Variants in PHACTR3 observed in about 807,000 individuals in gnomAD.
PHACTR3 encodes the protein protein phosphatase 1, regulatory subunit 123.
A neutral mutation model predicts 66.8 loss-of-function variants in PHACTR3; 16 were observed. The ratio of observed to expected loss-of-function variants is 0.24; its 90% confidence interval spans 0.16 to 0.36. PHACTR3 has a LOEUF of 0.36. Among genes scored for constraint, PHACTR3 ranks in the 10% least tolerant of loss-of-function variants. PHACTR3 has a pLI of 1.00. For missense variants in PHACTR3, 647 were observed against 719.9 expected (o/e 0.90, Z 1.16); for synonymous variants, 323 against 292.1 (o/e 1.11, Z -1.08).
At chr20:59,659,323 G>A (rs1018126644) in intron 1 of PHACTR3, among the ~76,000 whole-genome samples, 6 of 147,302 alleles carry the variant, frequency 4.1e-5, no homozygotes, top group Admixed American at 2.0e-4. Context: ...ACTTATCAGA[G>A]TTGGAACACT....
At position 59,699,166 on chromosome 20, in the gene PHACTR3, G is replaced by C. The variant is rs2037403416; in HGVS notation, c.119-43941G>C. ...AAAGGACGTAAGTGCAGAGCCCATT[G>C]GTGACTGCCGTTATCTGCTTTGAAA... On this transcript the variant is annotated intron_variant, in intron 1 of 12. Transcript: ENST00000371015. Among the ~76,000 whole-genome samples the C allele has an allele frequency of 3.3e-5, 5 of 152,288 alleles. No homozygotes were observed. The South Asian group carries it at 1.0e-3, about 32-fold the overall frequency.
chr20:59,767,795 TTTCCTTTCCATTCTG>T (rs1008469617), intron 5 of PHACTR3, among the ~76,000 whole-genome samples: 7 of 152,088 alleles, frequency 4.6e-5, no homozygotes, highest in African/African-American at 1.2e-4. Context: ...TCTTTTTTCT[TTTCCTTTCCATTCTG>T]TTCCTTTCCA....
intron 8 of PHACTR3, among the ~76,000 whole-genome samples, chr20:59,808,796 T>A (rs931414467): frequency 8.5e-5 from 13 of 152,226 alleles, no homozygotes; most frequent in Non-Finnish European, 1.8e-4. Context: ...AGGCCACACT[T>A]TGAGAAGCGA....
At chr20:59,605,680 C>T (rs73301412) in intron 1 of PHACTR3, among the ~76,000 whole-genome samples, 25 of 152,352 alleles carry the variant, frequency 1.6e-4, no homozygotes, top group African/African-American at 6.0e-4. Context: ...GGCAGGGAGA[C>T]GAAGGGCGTG....
At chr20:59,709,417 T>C (rs2037833886) in intron 1 of PHACTR3, among the ~76,000 whole-genome samples, 1 of 152,212 alleles carries the variant, frequency 6.6e-6, no homozygotes, top group Non-Finnish European at 1.5e-5. Context: ...TAAACCACCC[T>C]TTGCCAGTTA....
rs550317044 is a variant in PHACTR3 at position 59,771,495 on chromosome 20, G to A, written c.752-1784G>A. ...GCTCAAAGTTTCCCTCTGCAGAGCA[G>A]CCTTTCCTGACCTCCCTCTCCCAAA... On this transcript the variant is annotated intron_variant, in intron 5 of 12. Transcript: ENST00000371015. Among the ~76,000 whole-genome samples the A allele has an allele frequency of 5.9e-5, 9 of 152,196 alleles. No homozygotes were observed. In the South Asian group the frequency reaches 1.9e-3, roughly 32 times the overall value.
At position 59,816,586 on chromosome 20, in the gene PHACTR3, C is replaced by T. The variant is rs144894250; in HGVS notation, c.1328+10392C>T. ...CTCCCTGGAACTCATCCATGGCCATCCTCTGGTTCAAATTATCCTCCACCT... is the reference window on the plus strand; with the variant it reads ...CTCCCTGGAACTCATCCATGGCCATTCTCTGGTTCAAATTATCCTCCACCT... On this transcript the variant is annotated intron_variant, in intron 8 of 12. Coordinates refer to ENST00000371015, the MANE Select transcript of PHACTR3 (RefSeq NM_080672.5). Among the ~76,000 whole-genome samples, 79 of 152,324 alleles carry T rather than the reference C, an allele frequency of 5.2e-4. No individual in the cohort carries two copies. The East Asian group carries it at 8.9e-3, about 17-fold the overall frequency.
intron 1 of PHACTR3, among the ~76,000 whole-genome samples, chr20:59,581,293 G>A (rs1389385925): frequency 3.3e-5 from 5 of 152,212 alleles, no homozygotes; most frequent in Admixed American, 2.0e-4. Flanking sequence ...CCGGCAGCTC[G>A]AGAAGGCCCT....
intron 1 of PHACTR3, among the ~76,000 whole-genome samples, chr20:59,697,670 G>A (rs1172174401): frequency 2.6e-5 from 4 of 152,162 alleles, no homozygotes; most frequent in Admixed American, 1.3e-4. Context: ...GAAAGGAGCA[G>A]AGATTAGAAG....
intron 1 of PHACTR3, among the ~76,000 whole-genome samples, chr20:59,599,538 C>A (rs2033415899): frequency 6.6e-6 from 1 of 152,158 alleles, no homozygotes; most frequent in Non-Finnish European, 1.5e-5. Context: ...CCAAAGGCTG[C>A]TTGTCAAACG....
chr20:59,836,201 G>A (rs1348089906), intron 8 of PHACTR3: 9 of 289,922 alleles, frequency 3.1e-5, no homozygotes, highest in Admixed American at 5.5e-5. Context: ...ACACTGCTCC[G>A]GTGAACAGTC....
At position 59,830,537 on chromosome 20, in the gene PHACTR3, C is replaced by G. The variant is rs142232249; in HGVS notation, c.1329-5968C>G. ...GTCTGATGGAGGAGGCTGTGAGTGT[C>G]TGAAGGAGGAGTGATTCTTGGGGAT... is the stretch of plus-strand genomic sequence containing the variant. On this transcript the variant is annotated intron_variant, in intron 8 of 12. Transcript: ENST00000371015. The surrounding 1 kb of genome is among the most constrained non-coding windows in gnomAD (Gnocchi z 5.8). Among the ~76,000 whole-genome samples, 166 of 152,244 alleles carry G rather than the reference C, an allele frequency of 1.1e-3. No homozygotes were observed. Among genetic ancestry groups the G allele is most frequent in the East Asian group, 1.9e-3 (10 of 5,166 alleles).
intron 8 of PHACTR3, 132 bp downstream of exon 8, chr20:59,806,326 C>A: frequency 8.4e-7 from 1 of 1,197,012 alleles, no homozygotes; most frequent in Non-Finnish European, 1.2e-6. Flanking sequence ...CTCTTGACCC[C>A]GCCACCGTTG....
upstream of PHACTR3, among the ~76,000 whole-genome samples, chr20:59,602,929 G>C (rs933181002): frequency 7.2e-5 from 11 of 152,176 alleles, no homozygotes; most frequent in African/African-American, 2.7e-4. Flanking sequence ...CCACGTGCTG[G>C]CTTGTAACCT....
At chr20:59,719,035 T>G (rs1431869803) in intron 1 of PHACTR3, among the ~76,000 whole-genome samples, 1 of 152,318 alleles carries the variant, frequency 6.6e-6, no homozygotes, top group South Asian at 2.1e-4. Context: ...TGCATGAGGG[T>G]TTTTTTCTTT....
At chr20:59,675,491 G>A (rs1230741900) in intron 1 of PHACTR3, among the ~76,000 whole-genome samples, 1 of 152,174 alleles carries the variant, frequency 6.6e-6, no homozygotes, top group Non-Finnish European at 1.5e-5. Flanking sequence ...TCCTGGTTCT[G>A]GGCTATTGTC....
At chr20:59,594,481 A>G (rs1291495629) in intron 1 of PHACTR3, among the ~76,000 whole-genome samples, 1 of 152,176 alleles carries the variant, frequency 6.6e-6, no homozygotes, top group Non-Finnish European at 1.5e-5. Context: ...TGTTGAACAG[A>G]CACACAATGT....
intron 1 of PHACTR3, among the ~76,000 whole-genome samples, chr20:59,682,835 G>C (rs888135650): frequency 1.3e-5 from 2 of 152,188 alleles, no homozygotes; most frequent in Non-Finnish European, 2.9e-5. Flanking sequence ...ACATGAGATT[G>C]CTGGGGAGGG....
intron 8 of PHACTR3, among the ~76,000 whole-genome samples, chr20:59,827,242 C>T (rs754137144): frequency 1.2e-4 from 18 of 152,058 alleles, no homozygotes; most frequent in African/African-American, 2.4e-4. Flanking sequence ...CGGGGGTGCA[C>T]GTGATCTTGG....
Sources: gnomAD v4.1 joint callset for allele counts (sites outside exome capture counted in the v4.1 genomes callset) on GRCh38, gnomAD v4.1.1 for gene constraint, Gnocchi (gnomAD v3.1) non-coding constraint, MANE v1.5 for transcripts, NCBI Gene and HGNC (gene_info 2026-07-23, HGNC 2026-07-21) for gene names.